CTNNA3: variants seen among roughly 807,000 people sequenced by gnomAD.
CTNNA3 encodes catenin alpha 3, also known as catenin alpha-3.
Under a neutral mutation model 95.7 loss-of-function variants are expected in CTNNA3, and 76 were observed. The observed-to-expected ratio is 0.79, with a 90% CI of 0.66 to 0.96. The LOEUF (loss-of-function observed/expected upper bound fraction) is 0.96. Among genes scored for constraint, CTNNA3 ranks in the 40% least tolerant of loss-of-function variants. CTNNA3 has a pLI of 0.00. For missense variants in CTNNA3, 1,191 were observed against 1,089.8 expected, an observed-to-expected ratio of 1.09 and a Z score of -1.31; for synonymous variants, 431 against 374.4, an observed-to-expected ratio of 1.15 and a Z score of -1.74.
At chr10:67,543,081 T>C (rs1484351091) in intron 3 of CTNNA3, among the ~76,000 whole-genome samples, 3 of 152,042 alleles carry the variant, frequency 2.0e-5, no homozygotes, top group African/African-American at 7.2e-5. Context: ...TCCCACTCTA[T>C]ACATAAAAAT....
intron 8 of CTNNA3, among the ~76,000 whole-genome samples, chr10:66,767,148 T>C (rs552467887): frequency 3.3e-5 from 5 of 152,230 alleles, no homozygotes; most frequent in South Asian, 2.1e-4. Flanking sequence ...TATCGAGTCT[T>C]TAAAGATCAT....
intron 7 of CTNNA3, among the ~76,000 whole-genome samples, chr10:66,783,538 C>T (rs1840622962): frequency 6.6e-6 from 1 of 152,066 alleles, no homozygotes; most frequent in Admixed American, 6.6e-5. Flanking sequence ...AAAGTGCCTA[C>T]CCCTGAAGAA....
chr10:67,206,991 C>T (rs544510594), intron 6 of CTNNA3, among the ~76,000 whole-genome samples: 58 of 151,860 alleles, frequency 3.8e-4, no homozygotes, highest in Non-Finnish European at 6.9e-4. Flanking sequence ...ATTAGCTGGG[C>T]GTGGTGGCAG....
At chr10:66,309,458 C>T (rs568099091) in intron 12 of CTNNA3, among the ~76,000 whole-genome samples, 84 of 151,736 alleles carry the variant, frequency 5.5e-4, no homozygotes, top group Non-Finnish European at 1.0e-3. Context: ...TTTGGGAGGC[C>T]AAGGCGGGCA....
At chr10:65,974,110 G>A (rs1031455012) in intron 16 of CTNNA3, among the ~76,000 whole-genome samples, 2 of 152,188 alleles carry the variant, frequency 1.3e-5, no homozygotes, top group African/African-American at 4.8e-5. Flanking sequence ...TGAGGCTGTG[G>A]AGAAAAGGGA....
intron 6 of CTNNA3, among the ~76,000 whole-genome samples, chr10:67,181,777 A>T (rs972478291): frequency 3.3e-5 from 5 of 152,180 alleles, no homozygotes; most frequent in Non-Finnish European, 7.4e-5. Flanking sequence ...AAAAGCCACA[A>T]CTGCAGAGTC....
intron 15 of CTNNA3, among the ~76,000 whole-genome samples, chr10:66,019,839 C>T (rs971812743): frequency 6.6e-6 from 1 of 152,076 alleles, no homozygotes; most frequent in African/African-American, 2.4e-5. Flanking sequence ...TTTCTGTCTA[C>T]TTAGAAATGG....
At chr10:65,930,199 TAAAAA>T (rs71472402) in intron 17 of CTNNA3, among the ~76,000 whole-genome samples, 1,814 of 60,708 alleles carry the variant, frequency 0.03, 16 homozygotes, top group Middle Eastern at 0.091. Context: ...CAGAGCTCAG[TAAAAA>T]AAAAAAAAAA....
chr10:67,232,574 C>A (rs1207757195), intron 5 of CTNNA3, among the ~76,000 whole-genome samples: 1 of 151,890 alleles, frequency 6.6e-6, no homozygotes, highest in South Asian at 2.1e-4. Flanking sequence ...ATGTAAAGAC[C>A]ATCGAGACTA....
intron 10 of CTNNA3, among the ~76,000 whole-genome samples, chr10:66,556,091 G>T (rs1842380391): frequency 6.6e-6 from 1 of 151,944 alleles, no homozygotes; most frequent in Non-Finnish European, 1.5e-5. Context: ...CATAAAAGTG[G>T]CCACCAGGTG....
intron 5 of CTNNA3, among the ~76,000 whole-genome samples, chr10:67,299,793 C>T (rs899460540): frequency 1.3e-5 from 2 of 152,168 alleles, no homozygotes; most frequent in Non-Finnish European, 2.9e-5. Context: ...ACAAAGAGAC[C>T]TGACCTTTTC....
Position 67,321,344 on chromosome 10 carries a change from A to G in CTNNA3, c.580-101474T>C, listed in dbSNP as rs994471702. On this transcript the variant is annotated intron_variant, in intron 5 of 17. Transcript: ENST00000433211. ...TACACACTGAATTCTATGTATCTCT[A>G]GAAGGAGCCTCTGGAATTCCCATGT... Among the ~76,000 whole-genome samples the G allele has an allele frequency of 3.9e-5, 6 of 152,348 alleles. 1 individual carries two copies. Among genetic ancestry groups the G allele is most frequent in the South Asian group, 4.1e-4 (2 of 4,832 alleles).
intron 3 of CTNNA3, among the ~76,000 whole-genome samples, chr10:67,592,143 T>C (rs1480201755): frequency 6.6e-6 from 1 of 151,956 alleles, no homozygotes; most frequent in Admixed American, 6.6e-5. Context: ...CAGCATGCAG[T>C]CCCCCATTCT....
Position 67,647,474 on chromosome 10 carries a change from G to A in CTNNA3, c.40C>T (p.Gln14Ter), listed in dbSNP as rs1589530547. Reference protein sequence around the residue: ...ETPITLNIDPQDLQVQTFTVE... With the variant: ...ETPITLNIDP ...GTGAATGTTTGGACCTGCAGATCCT[G>A]AGGATCGATATTCAATGTGATTGGT... The change falls in exon 2 of 18, where the codon CAG becomes TAG. Residue 14 changes from glutamine (Q) to a stop codon, truncating the protein, a stop_gained. Coordinates refer to ENST00000433211, the MANE Select transcript of CTNNA3 (RefSeq NM_013266.4). LOFTEE classifies it high-confidence loss of function. 2 of 1,613,512 alleles carry A rather than the reference G, an allele frequency of 1.2e-6. No individual in the cohort carries two copies. The highest frequency in any genetic ancestry group is 1.7e-6 in the Non-Finnish European group (2 of 1,179,592).
chr10:66,426,056 C>T (rs1008009575), intron 11 of CTNNA3, among the ~76,000 whole-genome samples: 8 of 152,068 alleles, frequency 5.3e-5, no homozygotes, highest in African/African-American at 1.9e-4. Context: ...TATCATATGA[C>T]TGTTTCATTC....
At chr10:67,435,751 G>A (rs1234409021) in intron 5 of CTNNA3, among the ~76,000 whole-genome samples, 1 of 151,872 alleles carries the variant, frequency 6.6e-6, no homozygotes, top group African/African-American at 2.4e-5. Context: ...AAATACTTAG[G>A]AATATACCTA....
chr10:66,520,946 AAATT>A lies in CTNNA3; in HGVS notation c.1375-177_1375-174del, dbSNP rs200034499. Reference sequence around the variant, plus strand: ...TAAAAAATATTAAAACAATAAAATAAAATTAATTAAATTATACTCATTCATGTTA... The same window carrying A: ...TAAAAAATATTAAAACAATAAAATAAAATTAAATTATACTCATTCATGTTA... On this transcript the variant is annotated intron_variant, in intron 10 of 17. Coordinates refer to ENST00000433211, the MANE Select transcript of CTNNA3 (RefSeq NM_013266.4). Among the ~76,000 whole-genome samples the A allele has an allele frequency of 4.3e-3, 657 of 151,288 alleles. 22 individuals carry two copies. The East Asian group carries it at 0.064, about 15-fold the overall frequency.
chr10:66,536,157 G>GAGAGAGAC (rs1554813802), intron 10 of CTNNA3, among the ~76,000 whole-genome samples: 1 of 151,164 alleles, frequency 6.6e-6, no homozygotes, highest in Admixed American at 6.6e-5. Context: ...GAGAGAGAGA[G>GAGAGAGAC]AGAGACAGAG....
At chr10:66,718,140 T>TTC (rs1848511811) in intron 9 of CTNNA3, among the ~76,000 whole-genome samples, 2 of 2,334 alleles carry the variant, frequency 8.6e-4, no homozygotes, top group African/African-American at 7.7e-3. Context: ...TGTATTAACC[T>TTC]TTTTTTTTTC....
Sources: allele counts gnomAD v4.1 joint callset (sites outside exome capture counted in the v4.1 genomes callset), GRCh38; gene constraint gnomAD v4.1.1; transcripts MANE v1.5; gene names NCBI Gene and HGNC (gene_info 2026-07-23, HGNC 2026-07-21).